The following NALCN variants were observed in gnomAD, a reference collection of about 807,000 sequenced individuals.
NALCN encodes the protein sodium leak channel, non-selective.
In NALCN, 111 loss-of-function variants were observed where a neutral mutation model predicts 225.3. The ratio of observed to expected loss-of-function variants is 0.49; its 90% CI spans 0.42 to 0.58. The LOEUF (loss-of-function observed/expected upper bound fraction) is 0.58. NALCN is among the 20% of genes least tolerant of loss of function. The pLI is 0.00. For synonymous variants in NALCN, 764 were observed against 769.0 expected (o/e 0.99, Z 0.11); for missense variants, 1,378 against 2,202.4 (o/e 0.63, Z 7.49).
chr13:101,143,322 G>T, intron 16 of NALCN, 101 bp from the exon 17 acceptor site: 1 of 1,227,016 alleles, frequency 8.1e-7, no homozygotes, highest in Non-Finnish European at 1.1e-6. Flanking sequence ...ATAAAGCAGT[G>T]ATAAAAGATC....
intron 17 of NALCN, among the ~76,000 whole-genome samples, chr13:101,137,071 G>A (rs994153839): frequency 3.3e-5 from 5 of 152,066 alleles, no homozygotes; most frequent in East Asian, 1.9e-4. Context: ...GAAATCTTAC[G>A]CATCTTTTTA....
intron 30 of NALCN, among the ~76,000 whole-genome samples, chr13:101,087,645 C>T (rs1427143334): frequency 6.6e-6 from 1 of 152,082 alleles, no homozygotes; most frequent in African/African-American, 2.4e-5. Flanking sequence ...GAACATACGC[C>T]CCAGATCCCC....
Position 101,324,441 on chromosome 13 carries a change from T to C in NALCN, c.799+20825A>G, listed in dbSNP as rs978208986. 4.6e-5 allele frequency among the ~76,000 whole-genome samples: 7 copies of C among 152,310 alleles called. No individual in the cohort carries two copies. The East Asian group carries it at 1.4e-3, about 29-fold the overall frequency. On this transcript the variant is annotated intron_variant, in intron 7 of 43. Coordinates refer to ENST00000251127, the MANE Select transcript of NALCN (RefSeq NM_052867.4). ...ACAATTTGTTCCCCAACAACTTTAGTTTTTAACAATTGTCGAGCAGTGGTT... is the reference window on the plus strand; with the variant it reads ...ACAATTTGTTCCCCAACAACTTTAGCTTTTAACAATTGTCGAGCAGTGGTT...
intron 13 of NALCN, among the ~76,000 whole-genome samples, chr13:101,196,249 ATTCT>A (rs1338729784): frequency 2.0e-5 from 3 of 152,100 alleles, no homozygotes; most frequent in Non-Finnish European, 4.4e-5. Context: ...AAATAAATAT[ATTCT>A]TTCTTTCTTC....
At chr13:101,071,317 T>A (rs183195238) in intron 37 of NALCN, among the ~76,000 whole-genome samples, 1 of 152,352 alleles carries the variant, frequency 6.6e-6, no homozygotes, top group African/African-American at 2.4e-5. Context: ...CCTTTCTAGC[T>A]ATGAAAGTTC....
chr13:101,302,400 T>C (rs1040927512), intron 7 of NALCN, among the ~76,000 whole-genome samples: 1 of 152,156 alleles, frequency 6.6e-6, no homozygotes, highest in Non-Finnish European at 1.5e-5. Context: ...AAATAAATAA[T>C]TGACGTTTGT....
At chr13:101,159,870 A>G (rs900062348) in intron 15 of NALCN, among the ~76,000 whole-genome samples, 6 of 152,228 alleles carry the variant, frequency 3.9e-5, no homozygotes, top group African/African-American at 1.4e-4. Flanking sequence ...TAAAACTGAA[A>G]GAGAGGGAAG....
intron 10 of NALCN, among the ~76,000 whole-genome samples, chr13:101,260,831 A>G (rs1369064559): frequency 1.3e-5 from 2 of 152,072 alleles, no homozygotes; most frequent in Non-Finnish European, 2.9e-5. Flanking sequence ...TTGTCTCTTC[A>G]CTTTGTTAAT....
intron 6 of NALCN, chr13:101,368,689 A>T (rs1052295028): frequency 6.6e-6 from 1 of 152,420 alleles, no homozygotes; most frequent in Non-Finnish European, 1.5e-5. Flanking sequence ...TTTAAAATGC[A>T]GTAATATTGA....
chr13:101,180,835 C>A (rs9585645), intron 14 of NALCN: 90,622 of 340,472 alleles, frequency 0.27, 13,471 homozygotes, highest in Non-Finnish European at 0.32. Flanking sequence ...CACGGAAACA[C>A]GCTTTGTCTC....
At chr13:101,335,938 A>G (rs959307294) in intron 7 of NALCN, among the ~76,000 whole-genome samples, 1 of 152,166 alleles carries the variant, frequency 6.6e-6, no homozygotes, top group African/African-American at 2.4e-5. Context: ...AATTTTTAGC[A>G]GCAGCATCAA....
rs1480573225 is a variant in NALCN at position 101,204,735 on chromosome 13, C to T, written c.1627-12681G>A. Reference sequence around the variant, plus strand: ...CCAATTGTCTCTTTCCTTGGCTATGCTTGGGTTAACTTTTATGTATTATAC... The same window carrying T: ...CCAATTGTCTCTTTCCTTGGCTATGTTTGGGTTAACTTTTATGTATTATAC... On this transcript the variant is annotated intron_variant, in intron 13 of 43. Coordinates refer to ENST00000251127, the MANE Select transcript of NALCN (RefSeq NM_052867.4). Among the ~76,000 whole-genome samples, 4 of 152,000 alleles carry T rather than the reference C, an allele frequency of 2.6e-5. No individual in the cohort carries two copies. The East Asian group carries it at 7.7e-4, about 29-fold the overall frequency.
At chr13:101,310,739 C>T (rs896091233) in intron 7 of NALCN, among the ~76,000 whole-genome samples, 3 of 152,038 alleles carry the variant, frequency 2.0e-5, no homozygotes, top group Admixed American at 6.6e-5. Flanking sequence ...AGTGGGTCCT[C>T]AATAAACTAT....
rs149643950 is a variant in NALCN, at chr13:101,279,856, T to G, written c.1134+4077A>C. Among the ~76,000 whole-genome samples the G allele has an allele frequency of 8.7e-5, 13 of 148,576 alleles. No homozygotes were observed. The East Asian group carries it at 9.8e-4, about 11-fold the overall frequency. On this transcript the variant is annotated intron_variant, in intron 10 of 43. Coordinates refer to ENST00000251127, the MANE Select transcript of NALCN (RefSeq NM_052867.4). ...TAAATAAAATAAATAAATAAATAAATAAATAAATAAATAAATAAATAAAAA... is the reference window on the plus strand; with the variant it reads ...TAAATAAAATAAATAAATAAATAAAGAAATAAATAAATAAATAAATAAAAA...
intron 10 of NALCN, among the ~76,000 whole-genome samples, chr13:101,276,380 T>C (rs1445704226): frequency 1.3e-5 from 2 of 152,196 alleles, no homozygotes; most frequent in East Asian, 3.8e-4. Flanking sequence ...ATTAAGTTGA[T>C]TAACAAAAAA....
chr13:101,266,018 G>A (rs944614202), intron 10 of NALCN, among the ~76,000 whole-genome samples: 1 of 152,198 alleles, frequency 6.6e-6, no homozygotes, highest in Non-Finnish European at 1.5e-5. Context: ...TTTGAAGACA[G>A]GATGAACTGA....
At chr13:101,382,114 T>G (rs1002104677) in intron 3 of NALCN, among the ~76,000 whole-genome samples, 3 of 152,122 alleles carry the variant, frequency 2.0e-5, no homozygotes, top group Non-Finnish European at 4.4e-5. Flanking sequence ...TTTTATTTCA[T>G]TTTTGTCATT....
chr13:101,235,081 T>C (rs2041503274), intron 12 of NALCN, among the ~76,000 whole-genome samples: 1 of 151,650 alleles, frequency 6.6e-6, no homozygotes, highest in Non-Finnish European at 1.5e-5. Flanking sequence ...TATACATACA[T>C]ATATGTAGTT....
At chr13:101,279,062 G>C (rs908997873) in intron 10 of NALCN, among the ~76,000 whole-genome samples, 4 of 152,104 alleles carry the variant, frequency 2.6e-5, no homozygotes, top group African/African-American at 9.7e-5. Flanking sequence ...GACCATGACT[G>C]GTATGGTCTC....
Sources: gnomAD v4.1 joint callset for allele counts (sites outside exome capture counted in the v4.1 genomes callset) on GRCh38, gnomAD v4.1.1 for gene constraint, MANE v1.5 for transcripts, NCBI Gene and HGNC (gene_info 2026-07-23, HGNC 2026-07-21) for gene names.